FRK: variants seen among roughly 807,000 people sequenced by gnomAD.
FRK encodes the protein tyrosine-protein kinase FRK.
A neutral mutation model predicts 56.4 loss-of-function variants in FRK; 51 were observed. That is an observed-to-expected ratio of 0.90 (90% CI 0.72 to 1.14). The LOEUF is 1.14. Among genes scored for constraint, FRK ranks in the 50% most tolerant of loss-of-function variants. The probability of loss-of-function intolerance (pLI) is 0.00; values close to 1 mark genes in which losing one functional copy is unlikely to be tolerated. For synonymous variants in FRK, 245 were observed against 217.9 expected (o/e 1.12, Z -1.10); for missense variants, 570 against 601.4 (o/e 0.95, Z 0.55).
chr6:115,958,419 G>C (rs1266464190), intron 4 of FRK, among the ~76,000 whole-genome samples: 1 of 152,030 alleles, frequency 6.6e-6, no homozygotes, highest in Non-Finnish European at 1.5e-5. Flanking sequence ...TTGAGGTCAG[G>C]AGTTAAGAGA....
intron 1 of FRK, among the ~76,000 whole-genome samples, chr6:116,044,686 A>T (rs1294046844): frequency 6.6e-6 from 1 of 152,162 alleles, no homozygotes; most frequent in African/African-American, 2.4e-5. Context: ...GACAAGGATG[A>T]TCTCTCTCAC....
At chr6:116,095,792 C>A in the FRK span, among the ~76,000 whole-genome samples, 57 of 152,316 alleles carry the variant, frequency 3.7e-4, no homozygotes, top group South Asian at 0.011. Context: ...TCCAAAACTG[C>A]CAAGGCCTAG....
At chr6:115,978,286 T>C (rs959561243) in intron 2 of FRK, among the ~76,000 whole-genome samples, 1 of 152,198 alleles carries the variant, frequency 6.6e-6, no homozygotes, top group Non-Finnish European at 1.5e-5. Flanking sequence ...TATTTAGTTA[T>C]ATCCCTACCT....
chr6:115,958,662 A>AAG, intron 4 of FRK, among the ~76,000 whole-genome samples: 1 of 2,816 alleles, frequency 3.6e-4, no homozygotes, highest in Non-Finnish European at 6.7e-4. Flanking sequence ...GAAAGAAAGA[A>AAG]AGAAAGAAAG....
At chr6:116,083,121 T>C in the FRK span, among the ~76,000 whole-genome samples, 1 of 152,064 alleles carries the variant, frequency 6.6e-6, no homozygotes, top group Admixed American at 6.5e-5. Context: ...GAGGGAGAGA[T>C]CAACTCTGTC....
chr6:116,039,609 C>T (rs539885259), intron 1 of FRK: 54 of 771,178 alleles, frequency 7.0e-5, no homozygotes, highest in East Asian at 1.7e-4. Flanking sequence ...CCCCCTCTTG[C>T]GGCCTCATCC....
At chr6:116,078,370 T>A in the FRK span, among the ~76,000 whole-genome samples, 1 of 152,168 alleles carries the variant, frequency 6.6e-6, no homozygotes, top group East Asian at 1.9e-4. Flanking sequence ...CTAATGTCCC[T>A]TGACCAATCT....
At chr6:116,017,849 C>T (rs1175988544) in intron 1 of FRK, among the ~76,000 whole-genome samples, 1 of 152,152 alleles carries the variant, frequency 6.6e-6, no homozygotes, top group Admixed American at 6.6e-5. Context: ...GCCCACCTTG[C>T]ACCTTTTTCT....
chr6:116,004,485 T>C (rs1475211529), intron 1 of FRK, among the ~76,000 whole-genome samples: 1 of 152,172 alleles, frequency 6.6e-6, no homozygotes, highest in Non-Finnish European at 1.5e-5. Context: ...CTCTGGATAT[T>C]AGTTCCTTTC....
chr6:115,979,972 C>A (rs147521736), intron 2 of FRK, among the ~76,000 whole-genome samples: 6 of 152,190 alleles, frequency 3.9e-5, no homozygotes, highest in African/African-American at 7.2e-5. Context: ...TTAAGTCATG[C>A]ATGACTATAT....
At position 115,939,608 on chromosome 6, in the gene FRK, T is replaced by A. The variant is rs1018741892; in HGVS notation, c.*2806A>T. ...CCCACCATCTCAGCCCAAAATCTCCTTAAGCTGATAAGCAACTTCAGCAAA... is the reference window on the plus strand; with the variant it reads ...CCCACCATCTCAGCCCAAAATCTCCATAAGCTGATAAGCAACTTCAGCAAA... On this transcript the variant is annotated 3_prime_UTR_variant, in exon 8 of 8. Coordinates refer to ENST00000606080, the MANE Select transcript of FRK (RefSeq NM_002031.3). 6.6e-6 allele frequency: 1 copy of A among 152,266 alleles called. No individual in the cohort carries two copies. Among genetic ancestry groups the A allele is most frequent in the African/African-American group, 2.4e-5 (1 of 41,466 alleles). 9.4% of individuals were successfully genotyped at this position (152,266 alleles called of 1,614,324 possible). A position where few individuals can be genotyped will look rare whatever the true frequency, so the allele number is the denominator to read the frequency against.
At chr6:116,014,818 G>A (rs904255024) in intron 1 of FRK, among the ~76,000 whole-genome samples, 9 of 152,184 alleles carry the variant, frequency 5.9e-5, no homozygotes, top group Admixed American at 1.3e-4. Flanking sequence ...TGAAAGCAAA[G>A]AGGAATTCTT....
At chr6:115,992,514 T>C (rs1038429818) in intron 2 of FRK, among the ~76,000 whole-genome samples, 4 of 151,730 alleles carry the variant, frequency 2.6e-5, no homozygotes, top group African/African-American at 9.7e-5. Flanking sequence ...CAAATAGTTT[T>C]GAAAATTTCT....
At chr6:116,062,199 G>C (rs999881227), upstream of FRK, among the ~76,000 whole-genome samples, 2 of 152,078 alleles carry the variant, frequency 1.3e-5, no homozygotes, top group African/African-American at 4.8e-5. Flanking sequence ...ATAACAAGTT[G>C]ACAGAAGTAT....
intron 1 of FRK, chr6:116,039,415 C>T: frequency 6.4e-7 from 1 of 1,573,728 alleles, no homozygotes; most frequent in Non-Finnish European, 8.7e-7. Context: ...GCTGGCCAGC[C>T]AGCCTGAAGT....
At chr6:116,053,255 T>C (rs1285760749) in intron 1 of FRK, among the ~76,000 whole-genome samples, 1 of 152,184 alleles carries the variant, frequency 6.6e-6, no homozygotes, top group East Asian at 1.9e-4. Flanking sequence ...AGGCTGCTCT[T>C]ATTTATATTG....
intron 2 of FRK, among the ~76,000 whole-genome samples, chr6:115,995,626 C>G (rs139554635): frequency 3.2e-4 from 49 of 152,050 alleles, no homozygotes; most frequent in African/African-American, 1.2e-3. Context: ...GAAAACAAGC[C>G]TTGTAAAGAA....
At chr6:116,004,837 C>A (rs192320959) in intron 1 of FRK, among the ~76,000 whole-genome samples, 132 of 152,202 alleles carry the variant, frequency 8.7e-4, no homozygotes, top group African/African-American at 3.0e-3. Flanking sequence ...GCTGAGAATT[C>A]CTGCTTTTCA....
At chr6:116,051,790 G>C (rs1032560091) in intron 1 of FRK, among the ~76,000 whole-genome samples, 1 of 152,112 alleles carries the variant, frequency 6.6e-6, no homozygotes, top group African/African-American at 2.4e-5. Flanking sequence ...GTTAATTAGT[G>C]AGAAAACTAG....
Sources: gnomAD v4.1 joint callset for allele counts (sites outside exome capture counted in the v4.1 genomes callset) on GRCh38, gnomAD v4.1.1 for gene constraint, MANE v1.5 for transcripts, NCBI Gene and HGNC (gene_info 2026-07-23, HGNC 2026-07-21) for gene names.